The following KLHL29 variants were observed in gnomAD, a reference collection of about 807,000 sequenced individuals.
KLHL29 encodes kelch like family member 29, also known as kelch-like protein 29.
A neutral mutation model predicts 80.4 loss-of-function variants in KLHL29; 21 were observed. That is an observed-to-expected ratio of 0.26 (90% CI 0.19 to 0.38). The LOEUF (loss-of-function observed/expected upper bound fraction) is 0.38. KLHL29 is among the 10% of genes least tolerant of loss of function. The pLI is 1.00. For synonymous variants in KLHL29, 511 were observed against 526.8 expected, an observed-to-expected ratio of 0.97 and a Z score of 0.41; for missense variants, 867 against 1,223.9, an observed-to-expected ratio of 0.71 and a Z score of 4.35.
At chr2:23,424,876 A>G (rs1662963846) in intron 1 of KLHL29, among the ~76,000 whole-genome samples, 1 of 152,246 alleles carries the variant, frequency 6.6e-6, no homozygotes, top group African/African-American at 2.4e-5. Flanking sequence ...TCAAAAATGC[A>G]CGAATTCTAA....
In KLHL29 at chr2:23,549,606, G is replaced by A. The variant is rs555025139; in HGVS notation, c.-45-12546G>A. ...CGGTTGGAGACAGCCTGGTACTGAG[G>A]TCAGCAGGGGAGTGGGCAAAACAGG... On this transcript the variant is annotated intron_variant, in intron 2 of 13. Coordinates refer to ENST00000486442, the MANE Select transcript of KLHL29 (RefSeq NM_052920.2). Among the ~76,000 whole-genome samples the A allele has an allele frequency of 9.5e-4, 144 of 152,318 alleles. 2 individuals carry two copies. The highest frequency in any genetic ancestry group is 8.3e-4 in the South Asian group (4 of 4,822).
intron 3 of KLHL29, among the ~76,000 whole-genome samples, chr2:23,626,826 A>G (rs574429720): frequency 6.6e-6 from 1 of 152,278 alleles, no homozygotes; most frequent in East Asian, 1.9e-4. Flanking sequence ...CCTCCCTTGG[A>G]CGTGAAGGGA....
intron 2 of KLHL29, chr2:23,507,260 T>C: frequency 4.6e-6 from 1 of 218,548 alleles, no homozygotes; most frequent in Middle Eastern, 5.9e-4. Flanking sequence ...GGAAAATAAA[T>C]AGCAGGGACT....
intron 1 of KLHL29, among the ~76,000 whole-genome samples, chr2:23,408,026 C>T (rs1042919055): frequency 5.9e-5 from 9 of 152,068 alleles, no homozygotes; most frequent in African/African-American, 9.6e-5. Flanking sequence ...TCTCCTGCCT[C>T]GGCCTCCTGA....
At chr2:23,658,518 GC>G (rs1187790917) in intron 5 of KLHL29, among the ~76,000 whole-genome samples, 2 of 152,172 alleles carry the variant, frequency 1.3e-5, no homozygotes, top group African/African-American at 4.8e-5. Context: ...ACTGGCCGTG[GC>G]TCCTCTGCCC....
At chr2:23,445,584 A>G (rs937077546) in intron 1 of KLHL29, among the ~76,000 whole-genome samples, 3 of 152,190 alleles carry the variant, frequency 2.0e-5, no homozygotes, top group South Asian at 4.1e-4. Flanking sequence ...AGTAATCTCT[A>G]GTGCATGTCA....
chr2:23,461,448 T>A (rs908799867), intron 1 of KLHL29, among the ~76,000 whole-genome samples: 2 of 152,222 alleles, frequency 1.3e-5, no homozygotes, highest in Non-Finnish European at 2.9e-5. Context: ...CCTCTAGCCT[T>A]AAAGAGTACG....
intron 3 of KLHL29, among the ~76,000 whole-genome samples, chr2:23,614,374 A>G (rs1217066632): frequency 1.3e-5 from 2 of 152,222 alleles, no homozygotes; most frequent in East Asian, 3.8e-4. Context: ...TCAGATACCC[A>G]AAGGGTTCAC....
intron 1 of KLHL29, among the ~76,000 whole-genome samples, chr2:23,386,810 G>A (rs1666195029): frequency 6.6e-6 from 1 of 152,100 alleles, no homozygotes; most frequent in Admixed American, 6.5e-5. Context: ...GTCGGAGGTG[G>A]CTCTTAGGGC....
intron 2 of KLHL29, among the ~76,000 whole-genome samples, chr2:23,529,116 ATTT>A (rs1002568886): frequency 3.3e-5 from 5 of 152,056 alleles, no homozygotes; most frequent in Admixed American, 1.3e-4. Context: ...CTTTTTACTA[ATTT>A]TTTTTAGAGA....
At chr2:23,550,627 G>A (rs903033237) in intron 2 of KLHL29, among the ~76,000 whole-genome samples, 3 of 152,202 alleles carry the variant, frequency 2.0e-5, no homozygotes, top group African/African-American at 7.2e-5. Context: ...ATGATCTGCC[G>A]GCCATGTGAC....
intron 1 of KLHL29, among the ~76,000 whole-genome samples, chr2:23,468,477 C>G (rs531892267): frequency 6.6e-6 from 1 of 152,298 alleles, no homozygotes; most frequent in East Asian, 1.9e-4. Flanking sequence ...CCATTCTGTT[C>G]CCATCATTCC....
At chr2:23,481,328 T>A (rs59272901) in intron 2 of KLHL29, among the ~76,000 whole-genome samples, 36,404 of 152,306 alleles carry the variant, frequency 0.24, 5,407 homozygotes, top group Admixed American at 0.4. Flanking sequence ...TTCCTGCTCC[T>A]ACACTTGTGA....
chr2:23,386,514 C>T (rs909301080), intron 1 of KLHL29, among the ~76,000 whole-genome samples: 6 of 152,102 alleles, frequency 3.9e-5, no homozygotes, highest in Non-Finnish European at 8.8e-5. Context: ...ACGGGGACGG[C>T]GAAGCGGCCA....
intron 2 of KLHL29, among the ~76,000 whole-genome samples, chr2:23,512,173 C>T (rs151073332): frequency 3.3e-4 from 51 of 152,268 alleles, no homozygotes; most frequent in African/African-American, 1.2e-3. Flanking sequence ...AGGCCGGACG[C>T]GGTGGCTCAC....
chr2:23,569,503 T>C (rs1459838012), intron 3 of KLHL29, among the ~76,000 whole-genome samples: 1 of 152,242 alleles, frequency 6.6e-6, no homozygotes, highest in African/African-American at 2.4e-5. Context: ...TAATTACTCA[T>C]GTTGCAATTA....
In KLHL29 at chr2:23,503,856, C is replaced by T. The variant is rs1291340367; in HGVS notation, c.-46+28189C>T. ...ATTGCCGTCTTTGTTTAAAGAGAGG[C>T]GGAGGCAGACCCCAGGCATTCAAAT... On this transcript the variant is annotated intron_variant, in intron 2 of 13. Transcript: ENST00000486442. The surrounding 1 kb of genome is among the most constrained non-coding windows in gnomAD (Gnocchi z 4.0). Among the ~76,000 whole-genome samples the T allele has an allele frequency of 6.6e-6, 1 of 152,194 alleles. No individual in the cohort carries two copies. Among genetic ancestry groups the T allele is most frequent in the Admixed American group, 6.5e-5 (1 of 15,278 alleles).
intron 1 of KLHL29, among the ~76,000 whole-genome samples, chr2:23,404,270 T>TA (rs5829894): frequency 0.63 from 95,115 of 150,466 alleles, 30,418 homozygotes; most frequent in South Asian, 0.76. Flanking sequence ...CGATGACTAT[T>TA]AAAAAAAAAA....
At chr2:23,676,115 G>A (rs931796038) in intron 5 of KLHL29, among the ~76,000 whole-genome samples, 3 of 152,164 alleles carry the variant, frequency 2.0e-5, no homozygotes, top group African/African-American at 7.2e-5. Context: ...CAAGTCTCAT[G>A]GGACCACAGG....
Sources: gnomAD v4.1 joint callset for allele counts (sites outside exome capture counted in the v4.1 genomes callset) on GRCh38, gnomAD v4.1.1 for gene constraint, Gnocchi (gnomAD v3.1) non-coding constraint, MANE v1.5 for transcripts, NCBI Gene and HGNC (gene_info 2026-07-23, HGNC 2026-07-21) for gene names.